NRG3: variants seen among roughly 807,000 people sequenced by gnomAD.
The protein encoded by NRG3 is pro-neuregulin-3, membrane-bound isoform.
In NRG3, 31 loss-of-function variants were observed where a neutral mutation model predicts 66.9. That is an observed-to-expected ratio of 0.46 (90% CI 0.35 to 0.63). The LOEUF is 0.63. Ranked by LOEUF, NRG3 falls within the 20% of genes least tolerant of loss-of-function variation. The pLI is 0.00. For synonymous variants in NRG3, 393 were observed against 359.4 expected (o/e 1.09, Z -1.06); for missense variants, 910 against 878.9 (o/e 1.04, Z -0.45).
rs185748551 is a variant in NRG3, at chr10:82,986,182, C to A, written c.*577C>A. 6.6e-6 allele frequency: 1 copy of A among 152,628 alleles called. No individual in the cohort carries two copies. Among genetic ancestry groups the A allele is most frequent in the African/African-American group, 2.4e-5 (1 of 41,592 alleles). 9.5% of individuals were successfully genotyped at this position (152,628 alleles called of 1,614,324 possible). A position where few individuals can be genotyped will look rare whatever the true frequency, so the allele number is the denominator to read the frequency against. ...AAGGAGAAACCGGGGGCAATCTTAACTACTCTTGTGTGCCACCTTCCTCTG... is the reference window on the plus strand; with the variant it reads ...AAGGAGAAACCGGGGGCAATCTTAAATACTCTTGTGTGCCACCTTCCTCTG... On this transcript the variant is annotated 3_prime_UTR_variant, in exon 9 of 9. Coordinates refer to ENST00000372141, the MANE Select transcript of NRG3 (RefSeq NM_001010848.4).
chr10:82,098,068 C>T (rs936681495), intron 1 of NRG3, among the ~76,000 whole-genome samples: 4 of 151,360 alleles, frequency 2.6e-5, no homozygotes, highest in South Asian at 2.1e-4. Flanking sequence ...CACACACACA[C>T]ACACACACAC....
intron 4 of NRG3, among the ~76,000 whole-genome samples, chr10:82,874,638 C>A (rs1449693561): frequency 6.6e-6 from 1 of 152,102 alleles, no homozygotes; most frequent in Admixed American, 6.6e-5. Flanking sequence ...TTACATGATC[C>A]TTTAAGCTCT....
chr10:82,546,837 A>G (rs1387429100), intron 2 of NRG3, among the ~76,000 whole-genome samples: 1 of 152,196 alleles, frequency 6.6e-6, no homozygotes, highest in Admixed American at 6.5e-5. Flanking sequence ...CATGTACTAC[A>G]TGCAATATTT....
chr10:82,094,513 A>G (rs1319259698), intron 1 of NRG3, among the ~76,000 whole-genome samples: 10 of 152,222 alleles, frequency 6.6e-5, no homozygotes, highest in Non-Finnish European at 1.5e-4. Flanking sequence ...AGGAAAAGAA[A>G]TTGCTATATC....
intron 1 of NRG3, among the ~76,000 whole-genome samples, chr10:82,071,895 T>C (rs2064826424): frequency 6.6e-6 from 1 of 152,204 alleles, no homozygotes; most frequent in African/African-American, 2.4e-5. Flanking sequence ...AAATTTTATA[T>C]TGTTTGAATG....
At chr10:82,761,969 TTTC>T (rs1356385710) in intron 3 of NRG3, among the ~76,000 whole-genome samples, 2 of 147,876 alleles carry the variant, frequency 1.4e-5, no homozygotes, top group African/African-American at 2.5e-5. Flanking sequence ...TCTTTCTTTC[TTTC>T]TTTTCTTTCT....
intron 3 of NRG3, among the ~76,000 whole-genome samples, chr10:82,808,008 A>AT (rs1299493780): frequency 1.3e-5 from 2 of 151,890 alleles, no homozygotes; most frequent in Non-Finnish European, 2.9e-5. Flanking sequence ...AACTGCAAAA[A>AT]TTTTCTCCAA....
intron 2 of NRG3, among the ~76,000 whole-genome samples, chr10:82,554,437 T>C (rs999134925): frequency 3.3e-5 from 5 of 152,064 alleles, no homozygotes; most frequent in African/African-American, 1.2e-4. Context: ...AAAGTAAAAC[T>C]TTACAAAATC....
intron 2 of NRG3, among the ~76,000 whole-genome samples, chr10:82,716,810 A>G (rs1565233944): frequency 6.6e-6 from 1 of 152,224 alleles, no homozygotes; most frequent in Admixed American, 6.5e-5. Context: ...CATAATTTAA[A>G]TGATCCATAA....
intron 1 of NRG3, among the ~76,000 whole-genome samples, chr10:82,185,862 A>G (rs1475272664): frequency 6.6e-6 from 1 of 152,220 alleles, no homozygotes; most frequent in Non-Finnish European, 1.5e-5. Flanking sequence ...AGTTAGGTTT[A>G]TCATTCAATC....
chr10:82,089,743 G>C (rs148955616), intron 1 of NRG3, among the ~76,000 whole-genome samples: 1 of 152,182 alleles, frequency 6.6e-6, no homozygotes, highest in African/African-American at 2.4e-5. Context: ...TTCAGACTTT[G>C]TAAAAAGATA....
chr10:82,772,143 C>A (rs77987738), intron 3 of NRG3, among the ~76,000 whole-genome samples: 8,377 of 152,006 alleles, frequency 0.055, 786 homozygotes, highest in African/African-American at 0.19. Flanking sequence ...TCTTTTTTAA[C>A]ATAAATTTTA....
intron 1 of NRG3, among the ~76,000 whole-genome samples, chr10:82,137,662 C>T (rs897737089): frequency 6.6e-6 from 1 of 152,096 alleles, no homozygotes; most frequent in South Asian, 2.1e-4. Flanking sequence ...GAATTTATGT[C>T]CTGTCTCAGA....
chr10:82,036,365 G>T (rs745859664), intron 1 of NRG3, among the ~76,000 whole-genome samples: 12 of 152,048 alleles, frequency 7.9e-5, no homozygotes, highest in Non-Finnish European at 1.3e-4. Flanking sequence ...ATCTGCTTTC[G>T]TAAGTACATC....
chr10:82,598,142 G>GT (rs2047397223), intron 2 of NRG3, among the ~76,000 whole-genome samples: 1 of 152,156 alleles, frequency 6.6e-6, no homozygotes, highest in African/African-American at 2.4e-5. Context: ...ACCTAGCAGA[G>GT]TTTTTTTAAA....
chr10:82,371,555 T>C (rs1228593616), intron 2 of NRG3, among the ~76,000 whole-genome samples: 2 of 152,200 alleles, frequency 1.3e-5, no homozygotes, highest in African/African-American at 4.8e-5. Context: ...TTGGATATTT[T>C]CTACTTCAAT....
chr10:82,743,505 G>T (rs1030211984), intron 3 of NRG3, among the ~76,000 whole-genome samples: 5 of 152,000 alleles, frequency 3.3e-5, no homozygotes, highest in Admixed American at 2.6e-4. Flanking sequence ...AACAATCTTC[G>T]GTAGAGTGTG....
At chr10:81,944,247 T>C (rs930190989) in intron 1 of NRG3, among the ~76,000 whole-genome samples, 1 of 152,194 alleles carries the variant, frequency 6.6e-6, no homozygotes, top group African/African-American at 2.4e-5. Context: ...GCTCATAATA[T>C]ACAAAGAGCA....
At chr10:82,027,280 C>T (rs1169127994) in intron 1 of NRG3, among the ~76,000 whole-genome samples, 1 of 152,192 alleles carries the variant, frequency 6.6e-6, no homozygotes, top group African/African-American at 2.4e-5. Context: ...AGGTAAATGT[C>T]AGTGTTCTTC....
Sources: allele counts gnomAD v4.1 joint callset (sites outside exome capture counted in the v4.1 genomes callset), GRCh38; gene constraint gnomAD v4.1.1; transcripts MANE v1.5; gene names NCBI Gene and HGNC (gene_info 2026-07-23, HGNC 2026-07-21).